The following USP54 variants were observed in gnomAD, a reference collection of about 807,000 sequenced individuals.
The protein encoded by USP54 is ubiquitin carboxyl-terminal hydrolase 54.
In USP54, 87 loss-of-function variants were observed where a neutral mutation model predicts 170.5. That is an observed-to-expected ratio of 0.51 (90% CI 0.43 to 0.61). USP54 has a LOEUF of 0.61. Ranked by LOEUF, USP54 falls within the 20% of genes least tolerant of loss-of-function variation. The probability of loss-of-function intolerance (pLI) is 0.00; values close to 1 mark genes in which losing one functional copy is unlikely to be tolerated. For missense variants in USP54, 1,786 were observed against 2,047.8 expected (o/e 0.87, Z 2.47); for synonymous variants, 655 against 742.8 (o/e 0.88, Z 1.92).
chr10:73,569,520 G>A (rs747039808), intron 4 of USP54, among the ~76,000 whole-genome samples: 4 of 151,976 alleles, frequency 2.6e-5, no homozygotes, highest in Non-Finnish European at 4.4e-5. Context: ...GATGGCTCAC[G>A]CCTGTAATCC....
intron 1 of USP54, among the ~76,000 whole-genome samples, chr10:73,601,905 G>A (rs187980808): frequency 6.6e-6 from 1 of 152,274 alleles, no homozygotes; most frequent in African/African-American, 2.4e-5. Flanking sequence ...AGCTACAACG[G>A]AGGTCAAGTC....
At chr10:73,575,439 A>G in intron 3 of USP54, 73 bp downstream of exon 3, 2 of 1,443,744 alleles carry the variant, frequency 1.4e-6, no homozygotes, top group East Asian at 2.4e-5. Flanking sequence ...ATTTTATTTA[A>G]AAAGAGTTAT....
chr10:73,526,532 C>T lies in USP54; in HGVS notation c.2194+115G>A, dbSNP rs2062893003. The T allele has an allele frequency of 1.5e-5, 22 of 1,452,626 alleles. No individual in the cohort carries two copies. The South Asian group carries it at 2.5e-4, about 17-fold the overall frequency. 90.0% of individuals were successfully genotyped at this position (1,452,626 alleles called of 1,614,324 possible). ...AAAGTGCTGGGATTACAGGTGTGAG[C>T]CACCGCGCCCGGCCTGTAACTGTCC... On this transcript the variant is annotated intron_variant, in intron 16 of 23. Coordinates refer to ENST00000687698, the MANE Select transcript of USP54 (RefSeq NM_001391956.1).
intron 12 of USP54, among the ~76,000 whole-genome samples, chr10:73,531,972 A>C (rs2064074880): frequency 6.6e-6 from 1 of 152,220 alleles, no homozygotes; most frequent in Non-Finnish European, 1.5e-5. Flanking sequence ...GGTCAAATGC[A>C]TGGAGAGCTA....
At chr10:73,527,484 G>A (rs1174048711) in intron 15 of USP54, among the ~76,000 whole-genome samples, 6 of 132,724 alleles carry the variant, frequency 4.5e-5, no homozygotes, top group Middle Eastern at 4.3e-3. Context: ...GTGACAGAGC[G>A]AGACACTCCA....
chr10:73,613,413 C>T (rs2080323783), intron 1 of USP54, among the ~76,000 whole-genome samples: 1 of 151,488 alleles, frequency 6.6e-6, no homozygotes, highest in African/African-American at 2.4e-5. Flanking sequence ...GCTGGGGTTA[C>T]AGGCGTGAGC....
intron 1 of USP54, among the ~76,000 whole-genome samples, chr10:73,584,504 T>A (rs2132159580): frequency 6.6e-6 from 1 of 152,334 alleles, no homozygotes; most frequent in East Asian, 1.9e-4. Flanking sequence ...GGGTGTTTTA[T>A]TAGTTCAGAA....
intron 20 of USP54, 80 bp from the exon 21 acceptor site, chr10:73,505,506 A>C: frequency 1.4e-5 from 15 of 1,088,322 alleles, no homozygotes; most frequent in Middle Eastern, 2.1e-4. Flanking sequence ...GCACAAACTC[A>C]GGAGCTGTTG....
chr10:73,559,626 G>A (rs543196918), intron 4 of USP54, among the ~76,000 whole-genome samples: 31 of 152,060 alleles, frequency 2.0e-4, no homozygotes, highest in Non-Finnish European at 4.0e-4. Context: ...TACTCTGGAG[G>A]TGGAGGCAAG....
chr10:73,530,591 G>C (rs989531959), intron 13 of USP54, 68 bp from the exon 14 acceptor site: 1 of 1,562,570 alleles, frequency 6.4e-7, no homozygotes, highest in African/African-American at 1.4e-5. Context: ...CCCCAATGTC[G>C]AAAAAGCAAA....
chr10:73,602,575 G>A (rs2079261382), intron 1 of USP54, among the ~76,000 whole-genome samples: 1 of 139,668 alleles, frequency 7.2e-6, no homozygotes, highest in South Asian at 2.3e-4. Context: ...TAGTATAATA[G>A]TGGCCAGGCA....
Position 73,523,616 on chromosome 10 carries a change from G to A in USP54, c.2329C>T (p.Arg777Cys), listed in dbSNP as rs750184429. 1.4e-5 allele frequency: 22 copies of A among 1,609,956 alleles called. No individual in the cohort carries two copies. The highest frequency in any genetic ancestry group is 4.5e-5 in the East Asian group (2 of 44,862). ...AAKGFNPHPS[R>C]FMDLDELQNQ... ...TGCAGTTCATCCAAGTCCATGAAGCGGCTAGGATGAGGGTTAAACCCTTTC... is the reference window on the plus strand; with the variant it reads ...TGCAGTTCATCCAAGTCCATGAAGCAGCTAGGATGAGGGTTAAACCCTTTC... Residue 777 changes from arginine to cysteine, a missense_variant, in exon 17 of 24, where the codon CGC becomes TGC. Physicochemically the swap from Arg to Cys is radical, Grantham distance 180. This residue lies in a region of USP54 where 1,418 missense variants were observed against 1,569.0 expected (regional missense o/e 0.90). Transcript: ENST00000687698.
chr10:73,624,347 G>A (rs891753461), intron 1 of USP54: 2 of 137,556 alleles, frequency 1.5e-5, no homozygotes, highest in African/African-American at 2.6e-5. Context: ...GCAGGCGCGC[G>A]CCACCAGGCC....
chr10:73,600,239 G>A (rs74518905), intron 1 of USP54, among the ~76,000 whole-genome samples: 5,361 of 152,142 alleles, frequency 0.035, 154 homozygotes, highest in South Asian at 0.11. Flanking sequence ...CTTTAATACA[G>A]AACTTCTCAG....
upstream of USP54, among the ~76,000 whole-genome samples, chr10:73,593,408 TAGAA>T (rs1473391155): frequency 1.4e-5 from 2 of 139,710 alleles, no homozygotes; most frequent in African/African-American, 2.7e-5. Flanking sequence ...AAAATAAAAA[TAGAA>T]AGAAAAGGTT....
At position 73,581,628 on chromosome 10, in the gene USP54, A is replaced by G. The variant is rs542339854; in HGVS notation, c.-581-5267T>C. ...TAAGTCTGCCCCATCCACATTACAT[A>G]AATGGGGCTTTTATAGTATATGTCA... On this transcript the variant is annotated intron_variant, in intron 1 of 23. Coordinates refer to ENST00000687698, the MANE Select transcript of USP54 (RefSeq NM_001391956.1). Among the ~76,000 whole-genome samples the G allele has an allele frequency of 1.1e-4, 17 of 152,358 alleles. No homozygotes were observed. In the South Asian group the frequency reaches 3.5e-3, roughly 32 times the overall value.
At chr10:73,590,186 A>C (rs1480701340) in intron 1 of USP54, among the ~76,000 whole-genome samples, 1 of 152,216 alleles carries the variant, frequency 6.6e-6, no homozygotes, top group African/African-American at 2.4e-5. Context: ...ACCTATGTAT[A>C]GCCGCTTTGT....
intron 22 of USP54, among the ~76,000 whole-genome samples, chr10:73,502,823 A>C (rs1022758869): frequency 6.6e-6 from 1 of 152,062 alleles, no homozygotes; most frequent in Non-Finnish European, 1.5e-5. Flanking sequence ...TGATTCCCAG[A>C]TTTCAATTTG....
exon 1 of USP54, chr10:73,625,643 C>A: frequency 6.5e-6 from 1 of 152,766 alleles, no homozygotes; most frequent in Non-Finnish European, 1.5e-5. Context: ...TTCCGAGTCT[C>A]CGTAAACACC....
Sources: allele counts gnomAD v4.1 joint callset (sites outside exome capture counted in the v4.1 genomes callset), GRCh38; gene constraint gnomAD v4.1.1; regional missense constraint gnomAD v4.1.1; transcripts MANE v1.5; gene names NCBI Gene and HGNC (gene_info 2026-07-23, HGNC 2026-07-21).